The following INTS6 variants were observed in gnomAD, a reference collection of about 807,000 sequenced individuals.
INTS6 encodes the protein integrator complex subunit 6.
Under a neutral mutation model 104.9 loss-of-function variants are expected in INTS6, and 16 were observed. The observed-to-expected ratio is 0.15, with a 90% CI of 0.10 to 0.23. The LOEUF is 0.23. Ranked by LOEUF, INTS6 falls within the 10% of genes least tolerant of loss-of-function variation. The pLI, the probability that INTS6 is intolerant of heterozygous loss-of-function variation, is 1.00. For missense variants in INTS6, 584 were observed against 1,062.8 expected (o/e 0.55, Z 6.26); for synonymous variants, 324 against 358.7 (o/e 0.90, Z 1.09).
chr13:51,423,021 T>C (rs1283691609), intron 4 of INTS6: 4 of 1,254,510 alleles, frequency 3.2e-6, no homozygotes, highest in Non-Finnish European at 4.2e-6. Context: ...CAAATGTTTA[T>C]TTACTTGCCT....
At chr13:51,417,807 A>C (rs758625278) in intron 4 of INTS6, among the ~76,000 whole-genome samples, 1 of 152,184 alleles carries the variant, frequency 6.6e-6, no homozygotes, top group Non-Finnish European at 1.5e-5. Flanking sequence ...TCAAAAATCG[A>C]CTGACTATAA....
At position 51,367,858 on chromosome 13, in the gene INTS6, G is replaced by A; in HGVS notation, c.2517C>T (p.Gly839=). The part of the protein sequence containing the change: ...RIFTLLKHVQ[G]SLQTRLIFLQ... The stretch of plus-strand genomic sequence containing the variant: ...AAAATATTAGTCTTGTTTGTAAACT[G>A]CCTTGCACATGCTTCAGTAAAGTGA... Residue 839 remains glycine (G), a synonymous_variant, in exon 17 of 18, where the codon GGC becomes GGT. Transcript: ENST00000311234. 2 of 1,593,852 alleles carry A rather than the reference G, an allele frequency of 1.3e-6. No individual in the cohort carries two copies. Among genetic ancestry groups the A allele is most frequent in the Admixed American group, 1.8e-5 (1 of 55,954 alleles).
intron 4 of INTS6, among the ~76,000 whole-genome samples, chr13:51,420,644 A>G (rs377359399): frequency 6.6e-5 from 10 of 152,106 alleles, no homozygotes; most frequent in African/African-American, 2.4e-4. Flanking sequence ...AAAGGTTATT[A>G]TAACAGACAA....
intron 4 of INTS6, among the ~76,000 whole-genome samples, chr13:51,423,276 G>A (rs1956926974): frequency 6.6e-6 from 1 of 151,986 alleles, no homozygotes; most frequent in Non-Finnish European, 1.5e-5. Context: ...AGAAAATTAA[G>A]TGTAACTATC....
chr13:51,429,786 ATATATATAT>A (rs373638848), intron 4 of INTS6, among the ~76,000 whole-genome samples: 6 of 81,736 alleles, frequency 7.3e-5, no homozygotes, highest in Non-Finnish European at 2.2e-5. Flanking sequence ...AAAAAAAAAA[ATATATATAT>A]ATATATATAT....
intron 4 of INTS6, among the ~76,000 whole-genome samples, chr13:51,412,268 C>T (rs1417782858): frequency 6.6e-6 from 1 of 152,128 alleles, no homozygotes; most frequent in Non-Finnish European, 1.5e-5. Flanking sequence ...AAGTTTTACA[C>T]TTGAAATTGC....
rs1955628249 is a variant in INTS6 at position 51,363,651 on chromosome 13, A to G, written c.*2101T>C. ...CTTCCCCTTTGACAATAATTCTACA[A>G]CAAGTATTCTAATTTAACTAATATA... On this transcript the variant is annotated 3_prime_UTR_variant, in exon 18 of 18. Coordinates refer to ENST00000311234, the MANE Select transcript of INTS6 (RefSeq NM_012141.3). The G allele has an allele frequency of 6.6e-6, 1 of 151,940 alleles. No homozygotes were observed. The highest frequency in any genetic ancestry group is 2.4e-5 in the African/African-American group (1 of 41,380). 9.4% of individuals were successfully genotyped at this position (151,940 alleles called of 1,614,324 possible). A position where few individuals can be genotyped will look rare whatever the true frequency, so the allele number is the denominator to read the frequency against.
intron 3 of INTS6, chr13:51,450,245 AT>A: frequency 1.0e-6 from 1 of 984,804 alleles, no homozygotes; most frequent in Non-Finnish European, 1.2e-6. Context: ...AGTATCTTTT[AT>A]TTCCAGGGCA....
chr13:51,374,631 A>G (rs927621707), intron 14 of INTS6, 23 bp downstream of exon 14: 4 of 1,610,984 alleles, frequency 2.5e-6, no homozygotes, highest in Non-Finnish European at 2.5e-6. Context: ...AACAAATTAC[A>G]TAATAGAACA....
intron 15 of INTS6, among the ~76,000 whole-genome samples, chr13:51,369,631 T>C (rs1270099368): frequency 6.6e-6 from 1 of 152,192 alleles, no homozygotes; most frequent in African/African-American, 2.4e-5. Context: ...CAATGAAATA[T>C]CTATGATCAA....
chr13:51,365,555 C>G lies in INTS6; in HGVS notation c.*197G>C. ...ATTAAAAATGTTTTTTAGAGTGATA[C>G]TTTTCACATTACAAAAATAAACCAA... On this transcript the variant is annotated 3_prime_UTR_variant, in exon 18 of 18. Coordinates refer to ENST00000311234, the MANE Select transcript of INTS6 (RefSeq NM_012141.3). 1 of 360,294 alleles carries G rather than the reference C, an allele frequency of 2.8e-6. No homozygotes were observed. Among genetic ancestry groups the G allele is most frequent in the Non-Finnish European group, 5.2e-6 (1 of 192,032 alleles). 22.3% of individuals were successfully genotyped at this position (360,294 alleles called of 1,614,324 possible). A position where few individuals can be genotyped will look rare whatever the true frequency, so the allele number is the denominator to read the frequency against.
At chr13:51,403,581 CAAAAAAAAAAAAGAAAAAAAAAA>C (rs1229525532) in intron 4 of INTS6, among the ~76,000 whole-genome samples, 1 of 20,310 alleles carries the variant, frequency 4.9e-5, no homozygotes, top group Admixed American at 4.9e-4. Flanking sequence ...GACTCCATTT[CAAAAAAAAAAAAGAAAAAAAAAA>C]GAAAAAAAAA....
At chr13:51,359,934 A>T (rs531675577), downstream of INTS6, among the ~76,000 whole-genome samples, 1 of 152,210 alleles carries the variant, frequency 6.6e-6, no homozygotes, top group East Asian at 1.9e-4. Context: ...TGCTGATTTT[A>T]GGACAAGTGA....
chr13:51,376,203 T>A, intron 12 of INTS6, 29 bp from the exon 13 acceptor site: 1 of 1,568,374 alleles, frequency 6.4e-7, no homozygotes, highest in Non-Finnish European at 8.7e-7. Flanking sequence ...GGACAAAATT[T>A]ATTGTCAAAC....
rs553825096 is a variant in INTS6, at chr13:51,423,677, C to A, written c.429+6617G>T. On this transcript the variant is annotated intron_variant, in intron 4 of 17. Coordinates refer to ENST00000311234, the MANE Select transcript of INTS6 (RefSeq NM_012141.3). ...TCCTATTAAAAATATTCACAGAAGG[C>A]CAGTTCCATATCCCTTGGAAACCCG... is the stretch of plus-strand genomic sequence containing the variant. 2.6e-4 allele frequency among the ~76,000 whole-genome samples: 40 copies of A among 152,052 alleles called. No individual in the cohort carries two copies. The South Asian group carries it at 3.3e-3, about 13-fold the overall frequency.
chr13:51,412,610 A>C (rs1471074107), intron 4 of INTS6, among the ~76,000 whole-genome samples: 1 of 152,188 alleles, frequency 6.6e-6, no homozygotes, highest in African/African-American at 2.4e-5. Context: ...TGGGAGAATA[A>C]CCTGTATGTG....
intron 4 of INTS6, among the ~76,000 whole-genome samples, chr13:51,400,603 G>A (rs896618246): frequency 6.6e-6 from 1 of 152,138 alleles, no homozygotes; most frequent in Non-Finnish European, 1.5e-5. Context: ...TCGGGTGACT[G>A]TACACGTGGT....
chr13:51,421,286 A>C, intron 4 of INTS6: 1 of 985,780 alleles, frequency 1.0e-6, no homozygotes, highest in Non-Finnish European at 1.2e-6. Flanking sequence ...ATCATGAGAC[A>C]GTCAGTGCAC....
chr13:51,404,227 T>C (rs1309747524), intron 4 of INTS6, among the ~76,000 whole-genome samples: 1 of 149,212 alleles, frequency 6.7e-6, no homozygotes, highest in Non-Finnish European at 1.5e-5. Context: ...TGAGTCATGA[T>C]AGCACCACTG....
Sources: allele counts gnomAD v4.1 joint callset (sites outside exome capture counted in the v4.1 genomes callset), GRCh38; gene constraint gnomAD v4.1.1; transcripts MANE v1.5; gene names NCBI Gene and HGNC (gene_info 2026-07-23, HGNC 2026-07-21).